The following NRG3 variants were observed in gnomAD, a reference collection of about 807,000 sequenced individuals.
The protein encoded by NRG3 is neuregulin 3, also known as pro-neuregulin-3, membrane-bound isoform.
A neutral mutation model predicts 66.9 loss-of-function variants in NRG3; 31 were observed. That is an observed-to-expected ratio of 0.46 (90% CI 0.35 to 0.63). The LOEUF (loss-of-function observed/expected upper bound fraction) is 0.63, where lower values mean the gene tolerates loss of function less well. Ranked by LOEUF, NRG3 falls within the 20% of genes least tolerant of loss-of-function variation. The pLI, the probability that NRG3 is intolerant of heterozygous loss-of-function variation, is 0.00. For synonymous variants in NRG3, 393 were observed against 359.4 expected, an observed-to-expected ratio of 1.09 and a Z score of -1.06; for missense variants, 910 against 878.9, an observed-to-expected ratio of 1.04 and a Z score of -0.45.
intron 2 of NRG3, among the ~76,000 whole-genome samples, chr10:82,559,275 G>A (rs2044865361): frequency 6.6e-6 from 1 of 152,060 alleles, no homozygotes; most frequent in Non-Finnish European, 1.5e-5. Context: ...GAATAAAGAT[G>A]TATTTAGGGA....
chr10:82,476,363 C>G (rs749551447), intron 2 of NRG3, among the ~76,000 whole-genome samples: 1 of 152,026 alleles, frequency 6.6e-6, no homozygotes, highest in Non-Finnish European at 1.5e-5. Flanking sequence ...GGTATATACT[C>G]GAAATAATTG....
In NRG3 at chr10:82,141,817, G is replaced by T. The variant is rs549999015; in HGVS notation, c.824-216922G>T. Among the ~76,000 whole-genome samples, 148 of 152,274 alleles carry T rather than the reference G, an allele frequency of 9.7e-4. 2 individuals are homozygous for T. In the South Asian group the frequency reaches 0.017, roughly 18 times the overall value. ...CATTCTTAAGATGTGCTACTGTTCA[G>T]TATGTGTGAACTCCTAAGTTGCCAG... is the stretch of plus-strand genomic sequence containing the variant. On this transcript the variant is annotated intron_variant, in intron 1 of 8. Coordinates refer to ENST00000372141, the MANE Select transcript of NRG3 (RefSeq NM_001010848.4).
intron 1 of NRG3, among the ~76,000 whole-genome samples, chr10:82,047,961 A>T (rs1245561608): frequency 1.3e-5 from 2 of 152,028 alleles, no homozygotes; most frequent in South Asian, 2.1e-4. Context: ...CATCTCTGAT[A>T]AAACAGAGTT....
chr10:82,194,082 C>G (rs1272685170), intron 1 of NRG3, among the ~76,000 whole-genome samples: 1 of 152,134 alleles, frequency 6.6e-6, no homozygotes, highest in Non-Finnish European at 1.5e-5. Flanking sequence ...GAAGAGAAAC[C>G]TTAACGATGT....
At chr10:82,345,696 G>A (rs2082971043) in intron 1 of NRG3, among the ~76,000 whole-genome samples, 1 of 151,832 alleles carries the variant, frequency 6.6e-6, no homozygotes. Context: ...CTACCCATGA[G>A]CATGGAATGT....
At chr10:82,745,903 G>A (rs1282900240) in intron 3 of NRG3, among the ~76,000 whole-genome samples, 4 of 151,892 alleles carry the variant, frequency 2.6e-5, no homozygotes, top group African/African-American at 9.7e-5. Flanking sequence ...TGTTTGTTTG[G>A]TTTTTAGAGG....
At chr10:82,313,957 T>TA (rs2081169850) in intron 1 of NRG3, among the ~76,000 whole-genome samples, 1 of 152,188 alleles carries the variant, frequency 6.6e-6, no homozygotes, top group African/African-American at 2.4e-5. Context: ...TGTCTTCTAT[T>TA]AAAAAAGAAG....
chr10:82,391,474 G>T (rs1288947020), intron 2 of NRG3, among the ~76,000 whole-genome samples: 1 of 152,184 alleles, frequency 6.6e-6, no homozygotes, highest in Non-Finnish European at 1.5e-5. Context: ...CCTATCCTCT[G>T]TTGCAACTTA....
At chr10:82,826,608 G>A (rs2062222071) in intron 3 of NRG3, among the ~76,000 whole-genome samples, 1 of 152,158 alleles carries the variant, frequency 6.6e-6, no homozygotes, top group South Asian at 2.1e-4. Flanking sequence ...ATCCTTTTCA[G>A]CAACATGGAT....
chr10:82,227,010 A>G (rs2076196795), intron 1 of NRG3, among the ~76,000 whole-genome samples: 2 of 152,152 alleles, frequency 1.3e-5, no homozygotes, highest in South Asian at 4.1e-4. Context: ...GCTATAACAT[A>G]TTGCTTGCCT....
At chr10:82,692,686 G>C (rs1327575978) in intron 2 of NRG3, among the ~76,000 whole-genome samples, 3 of 152,198 alleles carry the variant, frequency 2.0e-5, no homozygotes, top group Non-Finnish European at 4.4e-5. Flanking sequence ...TGGGCCTCTA[G>C]TCCATTGTGG....
In NRG3 at chr10:82,897,490, T is replaced by C. The variant is rs117485796; in HGVS notation, c.1054+32053T>C. 9.5e-4 allele frequency among the ~76,000 whole-genome samples: 144 copies of C among 152,272 alleles called. 3 individuals carry two copies. The East Asian group carries it at 0.019, about 20-fold the overall frequency. On this transcript the variant is annotated intron_variant, in intron 4 of 8. Coordinates refer to ENST00000372141, the MANE Select transcript of NRG3 (RefSeq NM_001010848.4). ...TTCTGATCTTGATTTCTTGAATGCATAGTGCTTTTAAAGAACTAACATGTC... is the reference window on the plus strand; with the variant it reads ...TTCTGATCTTGATTTCTTGAATGCACAGTGCTTTTAAAGAACTAACATGTC...
At chr10:82,005,980 T>A (rs974987561) in intron 1 of NRG3, among the ~76,000 whole-genome samples, 4 of 151,910 alleles carry the variant, frequency 2.6e-5, no homozygotes, top group South Asian at 2.1e-4. Flanking sequence ...CACATGAGTT[T>A]TTTTAGCATA....
At chr10:81,998,803 A>T (rs939310562) in intron 1 of NRG3, among the ~76,000 whole-genome samples, 1 of 152,192 alleles carries the variant, frequency 6.6e-6, no homozygotes, top group African/African-American at 2.4e-5. Flanking sequence ...ACCTGTAAAC[A>T]TCCTCACTTT....
At chr10:82,090,994 C>G (rs992753608) in intron 1 of NRG3, among the ~76,000 whole-genome samples, 4 of 152,002 alleles carry the variant, frequency 2.6e-5, no homozygotes, top group African/African-American at 9.7e-5. Context: ...AAGACAAAAA[C>G]GTTTTAGAGT....
At chr10:82,826,276 A>G (rs2135618996) in intron 3 of NRG3, among the ~76,000 whole-genome samples, 1 of 152,342 alleles carries the variant, frequency 6.6e-6, no homozygotes, top group South Asian at 2.1e-4. Flanking sequence ...CAGGTTGTGG[A>G]TGAATCAGCT....
At chr10:82,047,067 G>A (rs1362948642) in intron 1 of NRG3, among the ~76,000 whole-genome samples, 1 of 151,564 alleles carries the variant, frequency 6.6e-6, no homozygotes, top group South Asian at 2.1e-4. Flanking sequence ...TTGGTATCAG[G>A]ATGATGCTGG....
intron 1 of NRG3, among the ~76,000 whole-genome samples, chr10:82,345,972 A>T (rs1193810011): frequency 2.0e-5 from 3 of 152,146 alleles, no homozygotes; most frequent in Admixed American, 2.0e-4. Context: ...GGGCTGAGAC[A>T]ATGCGGTTTT....
intron 2 of NRG3, among the ~76,000 whole-genome samples, chr10:82,505,409 C>A (rs1365150868): frequency 6.6e-6 from 1 of 152,198 alleles, no homozygotes; most frequent in Non-Finnish European, 1.5e-5. Flanking sequence ...AGAAGTATTT[C>A]AGTGTTTTAA....
Sources: allele counts gnomAD v4.1 joint callset (sites outside exome capture counted in the v4.1 genomes callset), GRCh38; gene constraint gnomAD v4.1.1; transcripts MANE v1.5; gene names NCBI Gene and HGNC (gene_info 2026-07-23, HGNC 2026-07-21).